VANGL2: variants seen among roughly 807,000 people sequenced by gnomAD.
VANGL2 encodes vang-like protein 2.
VANGL2 carries 14 observed loss-of-function variants against 50.2 expected under a neutral mutation model. The ratio of observed to expected loss-of-function variants is 0.28; its 90% CI spans 0.18 to 0.44. The LOEUF is 0.44. Ranked by LOEUF, VANGL2 falls within the 20% of genes least tolerant of loss-of-function variation. VANGL2 has a pLI of 1.00. For synonymous variants in VANGL2, 295 were observed against 297.2 expected (o/e 0.99, Z 0.08); for missense variants, 533 against 701.5 (o/e 0.76, Z 2.71).
chr1:160,407,007 C>T lies in VANGL2; in HGVS notation c.-191+6138C>T, dbSNP rs182318409. Among the ~76,000 whole-genome samples the T allele has an allele frequency of 1.5e-3, 223 of 152,250 alleles. 2 individuals are homozygous for T. Among genetic ancestry groups the T allele is most frequent in the South Asian group, 0.011 (55 of 4,818 alleles). The stretch of plus-strand genomic sequence containing the variant: ...CCTCCCTAAGTGCTGGGATCACAGG[C>T]GTGAGCCACCACGCCCGGCCCAGGG... On this transcript the variant is annotated intron_variant, in intron 1 of 7. Transcript: ENST00000368061.
Position 160,424,266 on chromosome 1 carries a change from C to T in VANGL2, c.1288C>T (p.His430Tyr). The change falls in exon 7 of 8, where the codon CAT (histidine) becomes TAT (tyrosine). Residue 430 changes from histidine to tyrosine, a missense_variant. Coordinates refer to ENST00000368061, the MANE Select transcript of VANGL2 (RefSeq NM_020335.3). ...ILQHLEFCITHDMTPKAFLER... is the reference protein window; with the variant it reads ...ILQHLEFCITYDMTPKAFLER... Reference sequence around the variant, plus strand: ...GCAGCACCTTGAATTCTGCATCACGCATGACATGACGCCCAAGGTAGGCCT... The same window carrying T: ...GCAGCACCTTGAATTCTGCATCACGTATGACATGACGCCCAAGGTAGGCCT... The T allele has an allele frequency of 6.2e-7, 1 of 1,614,196 alleles. No homozygotes were observed. Among genetic ancestry groups the T allele is most frequent in the South Asian group, 1.1e-5 (1 of 91,082 alleles).
chr1:160,416,212 C>A lies in VANGL2; in HGVS notation c.192+30C>A, dbSNP rs57840242. The stretch of plus-strand genomic sequence containing the variant: ...GCACTGGGGATGCGGTGGTCCAGAC[C>A]GGGCATTTTCAGACTGCTCCTGAGG... On this transcript the variant is annotated intron_variant, in intron 3 of 7. Transcript: ENST00000368061. The A allele has an allele frequency of 2.5e-6, 4 of 1,613,574 alleles. No homozygotes were observed. The African/African-American group carries it at 4.0e-5, about 16-fold the overall frequency.
In VANGL2 at chr1:160,425,518, C is replaced by G. The variant is rs912011458; in HGVS notation, c.*140C>G. 1.3e-5 allele frequency: 10 copies of G among 785,926 alleles called. No homozygotes were observed. The African/African-American group carries it at 1.6e-4, about 12-fold the overall frequency. 48.7% of individuals were successfully genotyped at this position (785,926 alleles called of 1,614,324 possible). On this transcript the variant is annotated 3_prime_UTR_variant, in exon 8 of 8. Coordinates refer to ENST00000368061, the MANE Select transcript of VANGL2 (RefSeq NM_020335.3). ...TTTTACTTGAATTAACGCACCCCCA[C>G]CTTCTCTCCTCGCTTCTTCCTTATT...
chr1:160,425,002 T>C (rs1651401289), intron 7 of VANGL2, 116 bp from the exon 8 acceptor site: 1 of 1,422,806 alleles, frequency 7.0e-7, no homozygotes, highest in East Asian at 2.3e-5. Context: ...TTCTAGTTCA[T>C]ATGCATAGAG....
At chr1:160,414,027 C>T (rs188310772) in intron 1 of VANGL2, among the ~76,000 whole-genome samples, 54 of 152,288 alleles carry the variant, frequency 3.5e-4, no homozygotes, top group Admixed American at 3.2e-3. Context: ...CTCTCCCTTC[C>T]CGCTCATTAG....
At chr1:160,415,979 A>AG in intron 2 of VANGL2, 71 bp downstream of exon 2, 1 of 1,614,142 alleles carries the variant, frequency 6.2e-7, no homozygotes, top group Non-Finnish European at 8.5e-7. Flanking sequence ...GGGCACGTGC[A>AG]GGGGTGGTAG....
chr1:160,404,261 A>C (rs548432255), intron 1 of VANGL2, among the ~76,000 whole-genome samples: 9 of 152,118 alleles, frequency 5.9e-5, no homozygotes, highest in Non-Finnish European at 1.2e-4. Flanking sequence ...ACATGTGAAA[A>C]CATGTTGATT....
rs1299686586 is a variant in VANGL2, at chr1:160,428,475, T to G, written c.*3097T>G. ...TTTTTTTTCCTTTTTTTTGGGGGGG[T>G]GGGGTTACAGAGCTGAGACCTTGTG... On this transcript the variant is annotated 3_prime_UTR_variant, in exon 8 of 8. Coordinates refer to ENST00000368061, the MANE Select transcript of VANGL2 (RefSeq NM_020335.3). 1.4e-5 allele frequency: 2 copies of G among 147,994 alleles called. No individual in the cohort carries two copies. The highest frequency in any genetic ancestry group is 2.5e-5 in the African/African-American group (1 of 40,094). The allele number at this position is 147,994 out of a possible 1,614,324, so 9.2% of individuals were successfully genotyped here.
In VANGL2 at chr1:160,427,860, T is replaced by C. The variant is rs1288915884; in HGVS notation, c.*2482T>C. On this transcript the variant is annotated 3_prime_UTR_variant, in exon 8 of 8. Transcript: ENST00000368061. Reference sequence around the variant, plus strand: ...CCAGCACTGTCTTTTGTGTGACTCATGGCATCCTCGTTCATCCCCACCGTG... The same window carrying C: ...CCAGCACTGTCTTTTGTGTGACTCACGGCATCCTCGTTCATCCCCACCGTG... 1 of 152,756 alleles carries C rather than the reference T, an allele frequency of 6.5e-6. No individual in the cohort carries two copies. Among genetic ancestry groups the C allele is most frequent in the African/African-American group, 2.4e-5 (1 of 41,408 alleles). 9.5% of individuals were successfully genotyped at this position (152,756 alleles called of 1,614,324 possible).
In VANGL2 at chr1:160,419,665, A is replaced by C; in HGVS notation, c.800+56A>C. On this transcript the variant is annotated intron_variant, in intron 4 of 7. Transcript: ENST00000368061. This position sits in a 1 kb window ranked among gnomAD's most constrained non-coding sequence, Gnocchi z 5.8. The stretch of plus-strand genomic sequence containing the variant: ...AGGGAAAGGGCATGGGAGGATGTGG[A>C]GTGACTGCTAGGGTGGGAGGGTATG... 1 of 1,582,916 alleles carries C rather than the reference A, an allele frequency of 6.3e-7. No individual in the cohort carries two copies. The highest frequency in any genetic ancestry group is 1.1e-5 in the South Asian group (1 of 88,440).
chr1:160,424,247 C>T lies in VANGL2; in HGVS notation c.1269C>T (p.His423=). The change falls in exon 7 of 8, where the codon CAC becomes CAT. Residue 423 remains histidine (H), a synonymous_variant. Coordinates refer to ENST00000368061, the MANE Select transcript of VANGL2 (RefSeq NM_020335.3). ...ACACCATGGAGAGCATCCTGCAGCA[C>T]CTTGAATTCTGCATCACGCATGACA... ...PYHTMESILQ[H]LEFCITHDMT... 1.2e-6 allele frequency: 2 copies of T among 1,614,202 alleles called. No homozygotes were observed. Among genetic ancestry groups the T allele is most frequent in the Admixed American group, 3.3e-5 (2 of 60,026 alleles).
chr1:160,407,229 AGG>A (rs34230943), intron 1 of VANGL2, among the ~76,000 whole-genome samples: 1 of 152,172 alleles, frequency 6.6e-6, no homozygotes, highest in Non-Finnish European at 1.5e-5. Flanking sequence ...AATCTCAGGT[AGG>A]GGGGTGGTCG....
intron 1 of VANGL2, among the ~76,000 whole-genome samples, chr1:160,404,402 A>T (rs577939558): frequency 6.6e-6 from 1 of 152,252 alleles, no homozygotes; most frequent in Non-Finnish European, 1.5e-5. Flanking sequence ...GCTGGATTTT[A>T]AAAAAATTAA....
chr1:160,416,664 A>C (rs1409298737), intron 3 of VANGL2, among the ~76,000 whole-genome samples: 1 of 152,120 alleles, frequency 6.6e-6, no homozygotes, highest in Non-Finnish European at 1.5e-5. Flanking sequence ...TAGATGGAGA[A>C]AGCCCAAGGG....
At chr1:160,411,444 AC>A (rs1238340622) in intron 1 of VANGL2, among the ~76,000 whole-genome samples, 5 of 149,232 alleles carry the variant, frequency 3.4e-5, no homozygotes, top group African/African-American at 9.9e-5. Context: ...GACCCTCCAA[AC>A]CCCTGATCCC....
chr1:160,402,632 C>G (rs895765719), intron 1 of VANGL2, among the ~76,000 whole-genome samples: 63 of 152,070 alleles, frequency 4.1e-4, no homozygotes, highest in Non-Finnish European at 1.3e-4. Context: ...TGAGATGGAG[C>G]TGTGGGTGTG....
rs977689463 is a variant in VANGL2, at chr1:160,415,884, A to G, written c.47A>G (p.His16Arg). The G allele has an allele frequency of 6.2e-7, 1 of 1,613,888 alleles. No individual in the cohort carries two copies. Among genetic ancestry groups the G allele is most frequent in the Non-Finnish European group, 8.5e-7 (1 of 1,180,014 alleles). The change falls in exon 2 of 8, where the codon CAC becomes CGC. Residue 16 changes from histidine (H) to arginine (R), a missense_variant. By Grantham distance (29) the His-to-Arg change is conservative. Transcript: ENST00000368061. ...QYSGYSYKSG[H>R]SRSSRKHRDR... ...TCGGGCTATTCCTACAAGTCGGGCC[A>G]CTCCCGCAGCTCCCGCAAGCACAGG...
rs1651039638 is a variant in VANGL2, at chr1:160,415,928, G to A, written c.71+20G>A. 28 of 1,614,092 alleles carry A rather than the reference G, an allele frequency of 1.7e-5. No homozygotes were observed. The highest frequency in any genetic ancestry group is 2.7e-5 in the African/African-American group (2 of 74,956). ...GCACAGGTGGGCAGGCATGCAGGGT[G>A]ACATGCGTGGCGGAGGGAGGGTTGG... On this transcript the variant is annotated intron_variant, in intron 2 of 7. Coordinates refer to ENST00000368061, the MANE Select transcript of VANGL2 (RefSeq NM_020335.3).
chr1:160,415,777 GC>G lies in VANGL2; in HGVS notation c.-55del. ...CGGTGCTGAAGGAGGTGGCTGTGGG[GC>G]CCCCCAAGAGGCCCCAGCCTGCGGC... On this transcript the variant is annotated 5_prime_UTR_variant, in exon 2 of 8. Coordinates refer to ENST00000368061, the MANE Select transcript of VANGL2 (RefSeq NM_020335.3). 1.9e-6 allele frequency: 3 copies of G among 1,577,904 alleles called. No homozygotes were observed. Among genetic ancestry groups the G allele is most frequent in the East Asian group, 2.3e-5 (1 of 43,746 alleles).
Sources: gnomAD v4.1 joint callset for allele counts (sites outside exome capture counted in the v4.1 genomes callset) on GRCh38, gnomAD v4.1.1 for gene constraint, Gnocchi (gnomAD v3.1) non-coding constraint, MANE v1.5 for transcripts, NCBI Gene and HGNC (gene_info 2026-07-23, HGNC 2026-07-21) for gene names.